Variants in LRRIQ1 observed in about 807,000 individuals in gnomAD.
LRRIQ1 encodes the protein leucine-rich repeat- and IQ domain-containing protein 1.
A neutral mutation model predicts 211.9 loss-of-function variants in LRRIQ1; 210 were observed. The observed-to-expected ratio is 0.99, with a 90% CI of 0.89 to 1.11. LRRIQ1 has a LOEUF of 1.11. Ranked by LOEUF, LRRIQ1 falls within the 50% of genes most tolerant of loss-of-function variation. The pLI, the probability that LRRIQ1 is intolerant of heterozygous loss-of-function variation, is 0.00. For synonymous variants in LRRIQ1, 699 were observed against 650.1 expected, an observed-to-expected ratio of 1.08 and a Z score of -1.14; for missense variants, 2,136 against 1,939.5, an observed-to-expected ratio of 1.10 and a Z score of -1.90.
At chr12:85,234,570 A>G (rs2137215010) in intron 26 of LRRIQ1, among the ~76,000 whole-genome samples, 1 of 152,236 alleles carries the variant, frequency 6.6e-6, no homozygotes, top group East Asian at 1.9e-4. Flanking sequence ...TGACTAAAGG[A>G]CCAGAGTAGG....
At chr12:85,112,955 A>C (rs1165413400) in intron 15 of LRRIQ1, among the ~76,000 whole-genome samples, 1 of 152,104 alleles carries the variant, frequency 6.6e-6, no homozygotes, top group East Asian at 1.9e-4. Context: ...GCAAGTTGGC[A>C]TTCTGTTTAC....
Position 85,257,047 on chromosome 12 carries a change from T to TATATATATATAATTATATAATTATATAA in LRRIQ1, c.122-5859_122-5858insTAATTATATAATTATATAAATATATATA, listed in dbSNP as rs1565931228. On this transcript the variant is annotated intron_variant, in intron 1 of 1. Transcript: ENST00000602731. ...ATACATATAATATATATTATATAAT[T>TATATATATATAATTATATAATTATATAA]ATATATATAATTATATAATTATATA... Among the ~76,000 whole-genome samples, 795 of 108,598 alleles carry TATATATATATAATTATATAATTATATAA rather than the reference T, an allele frequency of 7.3e-3. 13 individuals carry two copies. Among genetic ancestry groups the TATATATATATAATTATATAATTATATAA allele is most frequent in the African/African-American group, 0.032 (764 of 23,902 alleles). The allele number at this position is 108,598 out of a possible 152,430, so 71.2% of individuals were successfully genotyped here.
chr12:85,202,754 AT>A (rs989204952), intron 24 of LRRIQ1, among the ~76,000 whole-genome samples: 2 of 152,126 alleles, frequency 1.3e-5, no homozygotes, highest in African/African-American at 4.8e-5. Flanking sequence ...ACTCTGTGCC[AT>A]TTGATTGGGG....
At chr12:85,176,186 C>T (rs1320861026) in intron 24 of LRRIQ1, among the ~76,000 whole-genome samples, 1 of 151,986 alleles carries the variant, frequency 6.6e-6, no homozygotes, top group African/African-American at 2.4e-5. Flanking sequence ...TTTCCATGAG[C>T]AGTGGTTTGT....
chr12:85,046,024 T>G lies in LRRIQ1; in HGVS notation c.341T>G (p.Leu114Ter). 1 of 1,580,204 alleles carries G rather than the reference T, an allele frequency of 6.3e-7. No individual in the cohort carries two copies. Among genetic ancestry groups the G allele is most frequent in the Non-Finnish European group, 8.7e-7 (1 of 1,150,880 alleles). ...EESSEQLIKI[L>*]SEIEKEEFMR... ...GGTACTCATTTAACCTCTTAGATAT[T>G]ATCTGAAATAGAAAAAGAAGAATTT... The change falls in exon 5 of 27, where the codon TTA becomes TGA. Residue 114 changes from leucine to a stop codon, truncating the protein, a stop_gained. Coordinates refer to ENST00000393217, the MANE Select transcript of LRRIQ1 (RefSeq NM_001079910.2). LOFTEE classifies it high-confidence loss of function.
At chr12:85,131,008 G>A (rs1363671215) in intron 18 of LRRIQ1, among the ~76,000 whole-genome samples, 20 of 150,484 alleles carry the variant, frequency 1.3e-4, no homozygotes, top group Admixed American at 1.1e-3. Flanking sequence ...TCCAGAGTTC[G>A]AGACCAGTCT....
rs773080470 is a variant in LRRIQ1 at position 85,121,411 on chromosome 12, A to G, written c.3378-286A>G. 3.9e-5 allele frequency among the ~76,000 whole-genome samples: 6 copies of G among 152,248 alleles called. 1 individual carries two copies. In the South Asian group the frequency reaches 1.0e-3, roughly 26 times the overall value. ...TCATAATGCATCTTTTTACACTCCA[A>G]ATTCCAGCCTGAGTTTCCAAGTTTC... On this transcript the variant is annotated intron_variant, in intron 15 of 26. Coordinates refer to ENST00000393217, the MANE Select transcript of LRRIQ1 (RefSeq NM_001079910.2).
intron 18 of LRRIQ1, among the ~76,000 whole-genome samples, chr12:85,135,124 G>A (rs1200831531): frequency 2.6e-5 from 4 of 151,862 alleles, no homozygotes; most frequent in Non-Finnish European, 5.9e-5. Flanking sequence ...TATATGTTAA[G>A]TCTTTTATTA....
intron 8 of LRRIQ1, among the ~76,000 whole-genome samples, chr12:85,064,801 T>C (rs575113267): frequency 6.6e-6 from 1 of 151,946 alleles, no homozygotes; most frequent in East Asian, 1.9e-4. Context: ...CTCCAATGTA[T>C]GTTCTTGGCA....
chr12:85,249,971 T>C (rs572570799), downstream of LRRIQ1, among the ~76,000 whole-genome samples: 12 of 151,974 alleles, frequency 7.9e-5, no homozygotes, highest in South Asian at 2.5e-3. Context: ...TCAACAACAA[T>C]GTTGTACTAA....
At chr12:85,251,196 GA>G (rs1048253048) in intron 1 of LRRIQ1, among the ~76,000 whole-genome samples, 18 of 150,502 alleles carry the variant, frequency 1.2e-4, no homozygotes, top group Admixed American at 6.8e-4. Context: ...TTTTAGTCTA[GA>G]AAGTGTATTT....
At chr12:85,179,027 G>A (rs1891856666) in intron 24 of LRRIQ1, among the ~76,000 whole-genome samples, 1 of 151,722 alleles carries the variant, frequency 6.6e-6, no homozygotes, top group African/African-American at 2.4e-5. Context: ...GAAAGATCAA[G>A]ATAGAATACC....
chr12:85,207,315 T>A (rs1893609261), intron 24 of LRRIQ1, among the ~76,000 whole-genome samples: 1 of 152,122 alleles, frequency 6.6e-6, no homozygotes, highest in Non-Finnish European at 1.5e-5. Flanking sequence ...TCTACTATCC[T>A]GGTCTCTTGG....
At chr12:85,066,932 T>C (rs758484667) in intron 10 of LRRIQ1, 34 bp downstream of exon 10, 107 of 1,190,430 alleles carry the variant, frequency 9.0e-5, no homozygotes, top group South Asian at 9.0e-4. Context: ...TTTAAAGATA[T>C]ATTTCTCATA....
chr12:85,158,650 G>A (rs940036942), intron 23 of LRRIQ1, among the ~76,000 whole-genome samples: 14 of 151,854 alleles, frequency 9.2e-5, no homozygotes, highest in Non-Finnish European at 2.1e-4. Context: ...TTACCTAGGG[G>A]TTTCTTGAAA....
intron 1 of LRRIQ1, among the ~76,000 whole-genome samples, chr12:85,250,887 AAT>A (rs1895904831): frequency 1.1e-5 from 1 of 94,814 alleles, no homozygotes; most frequent in South Asian, 2.9e-4. Flanking sequence ...TATTATATAT[AAT>A]ATATTTTATA....
intron 24 of LRRIQ1, among the ~76,000 whole-genome samples, chr12:85,207,075 G>C (rs1893595320): frequency 6.6e-6 from 1 of 152,114 alleles, no homozygotes; most frequent in Non-Finnish European, 1.5e-5. Context: ...AGGACCGTGG[G>C]GTGTCCTGCT....
intron 24 of LRRIQ1, among the ~76,000 whole-genome samples, chr12:85,165,533 C>T (rs1277643103): frequency 7.1e-6 from 1 of 141,690 alleles, no homozygotes; most frequent in East Asian, 2.1e-4. Flanking sequence ...AGTGCAGTGA[C>T]ACTATCTCTT....
intron 15 of LRRIQ1, among the ~76,000 whole-genome samples, chr12:85,112,595 T>C (rs1887266482): frequency 6.6e-6 from 1 of 151,510 alleles, no homozygotes; most frequent in Non-Finnish European, 1.5e-5. Flanking sequence ...AATGGCAGTT[T>C]ACATTTTTAT....
Sources: allele counts gnomAD v4.1 joint callset (sites outside exome capture counted in the v4.1 genomes callset), GRCh38; gene constraint gnomAD v4.1.1; transcripts MANE v1.5; gene names NCBI Gene and HGNC (gene_info 2026-07-23, HGNC 2026-07-21).